The following NRG4 variants were observed in gnomAD, a reference collection of about 807,000 sequenced individuals.
NRG4 encodes the protein pro-neuregulin-4, membrane-bound isoform.
A neutral mutation model predicts 15.0 loss-of-function variants in NRG4; 10 were observed. The ratio of observed to expected loss-of-function variants is 0.67; its 90% CI spans 0.41 to 1.13. The LOEUF (loss-of-function observed/expected upper bound fraction) is 1.13, where lower values mean the gene tolerates loss of function less well. Among genes scored for constraint, NRG4 ranks in the 50% most tolerant of loss-of-function variants. NRG4 has a pLI of 0.00. For missense variants in NRG4, 139 were observed against 140.2 expected (o/e 0.99, Z 0.04); for synonymous variants, 41 against 50.1 (o/e 0.82, Z 0.77).
chr15:76,052,245 G>C (rs1406123438), intron 3 of NRG4: 3 of 150,264 alleles, frequency 2.0e-5, no homozygotes, highest in Admixed American at 2.0e-4. Context: ...GAGAAGGAAA[G>C]TAGAATATAT....
At chr15:76,009,354 G>A in intron 2 of NRG4, 61 bp from the exon 3 acceptor site, 10 of 704,162 alleles carry the variant, frequency 1.4e-5, no homozygotes, top group South Asian at 4.8e-5. Context: ...AATGCAACAA[G>A]GAATAGGAAT....
At chr15:75,983,494 G>A (rs2033679836) in intron 3 of NRG4, among the ~76,000 whole-genome samples, 1 of 152,024 alleles carries the variant, frequency 6.6e-6, no homozygotes, top group Non-Finnish European at 1.5e-5. Context: ...TTGTACTGAA[G>A]GTCCTAACCA....
intron 5 of NRG4, among the ~76,000 whole-genome samples, chr15:75,944,311 A>G (rs2031308995): frequency 1.9e-4 from 1 of 5,290 alleles, no homozygotes; most frequent in Non-Finnish European, 7.4e-3. Flanking sequence ...TAACCATAGT[A>G]CCTGGCACAC....
chr15:75,999,351 C>T (rs1239645170), intron 3 of NRG4, among the ~76,000 whole-genome samples: 1 of 152,164 alleles, frequency 6.6e-6, no homozygotes, highest in Non-Finnish European at 1.5e-5. Context: ...ATTGTGCTGG[C>T]ATAAGGAGTT....
intron 3 of NRG4, among the ~76,000 whole-genome samples, chr15:75,979,973 G>T (rs192645732): frequency 6.6e-6 from 1 of 152,272 alleles, no homozygotes; most frequent in African/African-American, 2.4e-5. Flanking sequence ...TATTTTATTG[G>T]TAAGTCAACT....
chr15:75,986,723 G>T (rs1470176433), intron 3 of NRG4, among the ~76,000 whole-genome samples: 1 of 152,084 alleles, frequency 6.6e-6, no homozygotes, highest in East Asian at 1.9e-4. Context: ...GATGAGATAT[G>T]AATATTATCA....
At chr15:75,989,393 T>A (rs937911082) in intron 3 of NRG4, among the ~76,000 whole-genome samples, 3 of 152,200 alleles carry the variant, frequency 2.0e-5, no homozygotes, top group African/African-American at 7.2e-5. Flanking sequence ...TCTTAGAATA[T>A]GTAAGATCCT....
intron 3 of NRG4, among the ~76,000 whole-genome samples, chr15:75,996,546 T>C (rs1269301672): frequency 3.3e-5 from 5 of 152,188 alleles, no homozygotes; most frequent in African/African-American, 9.6e-5. Flanking sequence ...GGAAACTAGA[T>C]AATAGTTCCT....
At chr15:76,039,826 C>T (rs1260668003) in intron 4 of NRG4, among the ~76,000 whole-genome samples, 2 of 152,074 alleles carry the variant, frequency 1.3e-5, no homozygotes, top group Admixed American at 6.5e-5. Flanking sequence ...CAAAGGTGGA[C>T]CATTTGAGGC....
intron 3 of NRG4, among the ~76,000 whole-genome samples, chr15:75,968,906 TTAAG>T (rs760177508): frequency 5.9e-5 from 9 of 152,164 alleles, no homozygotes; most frequent in Non-Finnish European, 1.2e-4. Context: ...CATTTTTCCT[TTAAG>T]TAACAATTTC....
At chr15:76,018,012 G>A (rs1407744604) in intron 5 of NRG4, among the ~76,000 whole-genome samples, 1 of 151,932 alleles carries the variant, frequency 6.6e-6, no homozygotes, top group African/African-American at 2.4e-5. Flanking sequence ...TTTCTTGGAG[G>A]CTCGTTTGTT....
chr15:75,952,988 C>T (rs1418794982), intron 5 of NRG4, among the ~76,000 whole-genome samples: 5 of 152,024 alleles, frequency 3.3e-5, no homozygotes, highest in Non-Finnish European at 7.4e-5. Flanking sequence ...TTGAGGGTAT[C>T]CTTGGAAGCA....
chr15:75,943,380 C>T lies in NRG4; in HGVS notation c.*258G>A. ...CTGGTTGCTTCAGCACATCAGCTTT[C>T]TGGGGAGAGTCATGTTGAACCAATG... On this transcript the variant is annotated 3_prime_UTR_variant, in exon 6 of 6. Transcript: ENST00000394907. The T allele has an allele frequency of 2.2e-6, 1 of 444,840 alleles. No individual in the cohort carries two copies. The highest frequency in any genetic ancestry group is 4.0e-6 in the Non-Finnish European group (1 of 251,948). The allele number at this position is 444,840 out of a possible 1,614,324, so 27.6% of individuals were successfully genotyped here.
chr15:76,021,165 T>C (rs2141927472), intron 5 of NRG4, among the ~76,000 whole-genome samples: 1 of 152,298 alleles, frequency 6.6e-6, no homozygotes, highest in East Asian at 1.9e-4. Context: ...TTATGCTAAA[T>C]CTACTCTGCC....
intron 4 of NRG4, among the ~76,000 whole-genome samples, chr15:75,958,123 C>G (rs1007489857): frequency 3.9e-5 from 6 of 152,160 alleles, no homozygotes; most frequent in Admixed American, 3.9e-4. Flanking sequence ...CGCCATTCTC[C>G]TGCCTCAGCC....
At chr15:75,962,034 G>T in intron 3 of NRG4, 60 bp from the exon 4 acceptor site, 1 of 1,293,800 alleles carries the variant, frequency 7.7e-7, no homozygotes, top group South Asian at 1.4e-5. Context: ...TAGTTTGGAA[G>T]AAAAACAGTT....
intron 3 of NRG4, among the ~76,000 whole-genome samples, chr15:76,008,604 G>C (rs2034693566): frequency 1.3e-5 from 2 of 152,080 alleles, no homozygotes; most frequent in South Asian, 2.1e-4. Context: ...ATAGGAATCA[G>C]GCTACAGAAG....
upstream of NRG4, among the ~76,000 whole-genome samples, chr15:76,016,782 T>C (rs896934754): frequency 1.1e-4 from 16 of 152,210 alleles, no homozygotes; most frequent in African/African-American, 3.9e-4. Flanking sequence ...ATAATTGCAA[T>C]GTGGTGCCGA....
intron 4 of NRG4, among the ~76,000 whole-genome samples, chr15:76,050,989 ATTTATTTATTTATTTATT>A (rs2035995598): frequency 6.8e-6 from 1 of 147,370 alleles, no homozygotes; most frequent in Non-Finnish European, 1.5e-5. Context: ...TTATTTATTT[ATTTATTTATTTATTTATT>A]TTTATTTTTA....
Sources: allele counts gnomAD v4.1 joint callset (sites outside exome capture counted in the v4.1 genomes callset), GRCh38; gene constraint gnomAD v4.1.1; transcripts MANE v1.5; gene names NCBI Gene and HGNC (gene_info 2026-07-23, HGNC 2026-07-21).